Variants in NR5A2 observed in about 807,000 individuals in gnomAD.
NR5A2 encodes the protein CYP7A promoter-binding factor.
NR5A2 carries 26 observed loss-of-function variants against 62.7 expected under a neutral mutation model. The observed-to-expected ratio is 0.41, with a 90% CI of 0.30 to 0.58. NR5A2 has a LOEUF of 0.58. NR5A2 is among the 20% of genes least tolerant of loss of function. The pLI, the probability that NR5A2 is intolerant of heterozygous loss-of-function variation, is 0.22. For synonymous variants in NR5A2, 246 were observed against 241.7 expected, an observed-to-expected ratio of 1.02 and a Z score of -0.16; for missense variants, 541 against 669.1, an observed-to-expected ratio of 0.81 and a Z score of 2.11.
At chr1:200,165,510 C>T (rs1168655902) in intron 7 of NR5A2, among the ~76,000 whole-genome samples, 2 of 152,138 alleles carry the variant, frequency 1.3e-5, no homozygotes, top group South Asian at 4.1e-4. Context: ...CCCAGTCATC[C>T]CTCCTTCTAC....
At chr1:200,049,816 C>T (rs772731080) in intron 5 of NR5A2, among the ~76,000 whole-genome samples, 5 of 152,078 alleles carry the variant, frequency 3.3e-5, no homozygotes, top group Non-Finnish European at 5.9e-5. Context: ...AATGCAAAGC[C>T]GACTTTTAAT....
In NR5A2 at chr1:200,077,819, G is replaced by A. The variant is rs114006475; in HGVS notation, c.1110+29001G>A. 7.8e-3 allele frequency among the ~76,000 whole-genome samples: 1,181 copies of A among 152,282 alleles called. 19 individuals are homozygous for A. Among genetic ancestry groups the A allele is most frequent in the African/African-American group, 0.027 (1,112 of 41,544 alleles). On this transcript the variant is annotated intron_variant, in intron 5 of 7. Transcript: ENST00000367362. ...CTTTTTCTCATTTGCAAGATGGTAC[G>A]TCAGTCTGGATGACCTTTAGGGCTC...
At chr1:200,172,578 G>A (rs1654230768) in intron 7 of NR5A2, among the ~76,000 whole-genome samples, 1 of 152,208 alleles carries the variant, frequency 6.6e-6, no homozygotes, top group South Asian at 2.1e-4. Flanking sequence ...TTTTAATTTG[G>A]GTCAGAGACT....
At chr1:200,126,444 G>C (rs1440937032) in intron 7 of NR5A2, among the ~76,000 whole-genome samples, 1 of 151,920 alleles carries the variant, frequency 6.6e-6, no homozygotes, top group East Asian at 1.9e-4. Flanking sequence ...TGTACTGCCT[G>C]GCATATAGGC....
intron 7 of NR5A2, among the ~76,000 whole-genome samples, chr1:200,144,270 C>CAT (rs1667588141): frequency 6.6e-6 from 1 of 151,318 alleles, no homozygotes; most frequent in Admixed American, 6.6e-5. Context: ...CACACACACA[C>CAT]AGAACAACAC....
intron 5 of NR5A2, among the ~76,000 whole-genome samples, chr1:200,082,031 C>T (rs1389018394): frequency 5.3e-5 from 8 of 152,084 alleles, no homozygotes; most frequent in Admixed American, 5.2e-4. Context: ...CTGGTTGCAT[C>T]TATTTCTGGT....
At chr1:200,030,541 G>T (rs1334848792) in intron 1 of NR5A2, among the ~76,000 whole-genome samples, 3 of 152,094 alleles carry the variant, frequency 2.0e-5, no homozygotes, top group Non-Finnish European at 4.4e-5. Context: ...TTCTGGTCTT[G>T]GTTTACTTCT....
chr1:200,161,749 G>C (rs183318952), intron 7 of NR5A2, among the ~76,000 whole-genome samples: 1 of 152,210 alleles, frequency 6.6e-6, no homozygotes, highest in Non-Finnish European at 1.5e-5. Flanking sequence ...TTGCTTAAGA[G>C]TCTAATAGCT....
rs567895914 is a variant in NR5A2 at position 200,159,007 on chromosome 1, G to A, written c.1379-14956G>A. On this transcript the variant is annotated intron_variant, in intron 7 of 7. Coordinates refer to ENST00000367362, the MANE Select transcript of NR5A2 (RefSeq NM_205860.3). ...ACTCCTGGGCTTAAGCAATCCCCCC[G>A]CCTCAGACTCCTGAGAAGCTGCATG... Among the ~76,000 whole-genome samples, 43 of 150,012 alleles carry A rather than the reference G, an allele frequency of 2.9e-4. No homozygotes were observed. The South Asian group carries it at 7.4e-3, about 26-fold the overall frequency.
At chr1:200,111,166 GTTTT>G (rs750188465) in intron 5 of NR5A2, 32 bp from the exon 6 acceptor site, 10 of 1,591,080 alleles carry the variant, frequency 6.3e-6, no homozygotes, top group Non-Finnish European at 8.5e-6. Context: ...GTCATTTTTT[GTTTT>G]TTTTGTTTGT....
chr1:200,153,927 CTAAT>C (rs1216289846), intron 7 of NR5A2, among the ~76,000 whole-genome samples: 1 of 151,886 alleles, frequency 6.6e-6, no homozygotes, highest in Non-Finnish European at 1.5e-5. Context: ...TTTGAATTTT[CTAAT>C]TAAGAAAAAA....
intron 6 of NR5A2, among the ~76,000 whole-genome samples, chr1:200,114,229 TATATAC>T (rs1200713938): frequency 0.013 from 599 of 47,316 alleles, 3 homozygotes; most frequent in African/African-American, 0.034. Flanking sequence ...TATATATATA[TATATAC>T]ACACACACAC....
chr1:200,150,133 C>G (rs1652998425), intron 7 of NR5A2, among the ~76,000 whole-genome samples: 1 of 152,186 alleles, frequency 6.6e-6, no homozygotes, highest in Non-Finnish European at 1.5e-5. Context: ...GGAGCACTCT[C>G]TCCTATACTT....
chr1:200,120,302 ACT>A (rs1666425081), intron 6 of NR5A2, among the ~76,000 whole-genome samples: 1 of 151,950 alleles, frequency 6.6e-6, no homozygotes, highest in Non-Finnish European at 1.5e-5. Flanking sequence ...TACATAGAAC[ACT>A]CTCCTGGATT....
chr1:200,077,645 C>T (rs530816463), intron 5 of NR5A2, among the ~76,000 whole-genome samples: 3 of 152,224 alleles, frequency 2.0e-5, no homozygotes, highest in Non-Finnish European at 4.4e-5. Flanking sequence ...ACCTGGGAGG[C>T]GGAGGTTGCA....
intron 1 of NR5A2, among the ~76,000 whole-genome samples, chr1:200,037,885 C>T (rs532812550): frequency 1.3e-5 from 2 of 152,308 alleles, no homozygotes; most frequent in South Asian, 4.1e-4. Flanking sequence ...GTACATTATG[C>T]ACTGCAAAGA....
At chr1:200,109,544 T>C (rs1405592856) in intron 5 of NR5A2, among the ~76,000 whole-genome samples, 1 of 152,202 alleles carries the variant, frequency 6.6e-6, no homozygotes, top group East Asian at 1.9e-4. Flanking sequence ...TTGTTTTTGC[T>C]CTGTGTTTGG....
rs1358677811 is a variant in NR5A2, at chr1:200,039,983, G to T, written c.202+188G>T. Among the ~76,000 whole-genome samples the T allele has an allele frequency of 2.0e-5, 3 of 152,168 alleles. No individual in the cohort carries two copies. Among genetic ancestry groups the T allele is most frequent in the Non-Finnish European group, 2.9e-5 (2 of 68,018 alleles). On this transcript the variant is annotated intron_variant, in intron 2 of 7. Coordinates refer to ENST00000367362, the MANE Select transcript of NR5A2 (RefSeq NM_205860.3). This position sits in a 1 kb window ranked among gnomAD's most constrained non-coding sequence, Gnocchi z 5.1. ...TATGGCTCTTGAACAATGCGGGGCA[G>T]AGGTTTTTCCAAGCAACGTCTAATT...
intron 6 of NR5A2, among the ~76,000 whole-genome samples, 186 bp from the exon 7 acceptor site, chr1:200,120,622 C>T (rs1183870760): frequency 6.6e-6 from 1 of 152,188 alleles, no homozygotes; most frequent in African/African-American, 2.4e-5. Flanking sequence ...CTTTGGGAGG[C>T]CAAGGCCAGA....
Sources: gnomAD v4.1 joint callset for allele counts (sites outside exome capture counted in the v4.1 genomes callset) on GRCh38, gnomAD v4.1.1 for gene constraint, Gnocchi (gnomAD v3.1) non-coding constraint, MANE v1.5 for transcripts, NCBI Gene and HGNC (gene_info 2026-07-23, HGNC 2026-07-21) for gene names.